PRDM5: variants seen among roughly 807,000 people sequenced by gnomAD.
PRDM5 encodes the protein PR/SET domain 5, also known as PR domain zinc finger protein 5.
Under a neutral mutation model 81.2 loss-of-function variants are expected in PRDM5, and 56 were observed. The ratio of observed to expected loss-of-function variants is 0.69; its 90% CI spans 0.56 to 0.86. PRDM5 has a LOEUF of 0.86. PRDM5 is among the 40% of genes least tolerant of loss of function. The probability of loss-of-function intolerance (pLI) is 0.00; values close to 1 mark genes in which losing one functional copy is unlikely to be tolerated. For synonymous variants in PRDM5, 267 were observed against 256.4 expected, an observed-to-expected ratio of 1.04 and a Z score of -0.39; for missense variants, 697 against 770.1, an observed-to-expected ratio of 0.91 and a Z score of 1.12.
rs186457634 is a variant in PRDM5 at position 120,883,696 on chromosome 4, C to G, written c.177+23778G>C. On this transcript the variant is annotated intron_variant, in intron 2 of 15. Transcript: ENST00000264808. ...TGTATACATGTGTAATAAGTCTGCA[C>G]ATTGTGCACATGTACCCTAGAACTT... Among the ~76,000 whole-genome samples the G allele has an allele frequency of 3.0e-4, 46 of 151,656 alleles. No homozygotes were observed. The East Asian group carries it at 5.8e-3, about 19-fold the overall frequency.
At chr4:120,762,153 T>C (rs958412853) in intron 13 of PRDM5, among the ~76,000 whole-genome samples, 1 of 152,166 alleles carries the variant, frequency 6.6e-6, no homozygotes, top group African/African-American at 2.4e-5. Flanking sequence ...AAAGAACTCA[T>C]AATTCCTTGA....
chr4:120,873,610 C>A (rs1762061736), intron 2 of PRDM5, among the ~76,000 whole-genome samples: 1 of 152,236 alleles, frequency 6.6e-6, no homozygotes. Flanking sequence ...CTATTGGACT[C>A]TCCTGGGTTT....
At chr4:120,888,927 CT>C (rs1169961768) in intron 2 of PRDM5, among the ~76,000 whole-genome samples, 1 of 151,896 alleles carries the variant, frequency 6.6e-6, no homozygotes, top group Non-Finnish European at 1.5e-5. Context: ...GCCCATTTTT[CT>C]TTTTTTTAAA....
chr4:120,710,224 C>G, intron 15 of PRDM5, 85 bp downstream of exon 15: 1 of 1,073,840 alleles, frequency 9.3e-7, no homozygotes, highest in Non-Finnish European at 1.4e-6. Context: ...CACACAGACA[C>G]ACACACACAC....
At chr4:120,706,518 A>T (rs1736173016) in intron 15 of PRDM5, among the ~76,000 whole-genome samples, 1 of 151,970 alleles carries the variant, frequency 6.6e-6, no homozygotes, top group African/African-American at 2.4e-5. Context: ...TTCAGTTTGG[A>T]GTACAAGAGA....
chr4:120,830,329 G>A (rs1756555812), intron 3 of PRDM5, among the ~76,000 whole-genome samples: 1 of 152,018 alleles, frequency 6.6e-6, no homozygotes, highest in South Asian at 2.1e-4. Context: ...CCAAGTGAAA[G>A]CTTTAAAAAT....
intron 13 of PRDM5, among the ~76,000 whole-genome samples, chr4:120,764,855 T>G (rs1302389490): frequency 6.6e-6 from 1 of 152,206 alleles, no homozygotes; most frequent in African/African-American, 2.4e-5. Context: ...TTTGGTTTAA[T>G]GTTAGTAATG....
Position 120,737,158 on chromosome 4 carries a change from C to T in PRDM5, c.1623+17395G>A, listed in dbSNP as rs141076836. 6.0e-3 allele frequency among the ~76,000 whole-genome samples: 911 copies of T among 152,274 alleles called. 28 individuals carry two copies. The highest frequency in any genetic ancestry group is 0.039 in the Admixed American group (602 of 15,266). ...TCATCAGAGGATCACAGATCTCTGG[C>T]TTCCTTCTGTGGCAAGTATACCTCT... On this transcript the variant is annotated intron_variant, in intron 14 of 15. Coordinates refer to ENST00000264808, the MANE Select transcript of PRDM5 (RefSeq NM_018699.4).
At chr4:120,687,847 GAC>G (rs1733894298), downstream of PRDM5, among the ~76,000 whole-genome samples, 1 of 152,072 alleles carries the variant, frequency 6.6e-6, no homozygotes, top group East Asian at 1.9e-4. Flanking sequence ...GCTATGGAAT[GAC>G]ACAACAATAA....
At chr4:120,824,522 C>G (rs1312585505) in intron 3 of PRDM5, among the ~76,000 whole-genome samples, 1 of 152,170 alleles carries the variant, frequency 6.6e-6, no homozygotes, top group Non-Finnish European at 1.5e-5. Flanking sequence ...AAATATTCCC[C>G]AGCCATCAGT....
intron 3 of PRDM5, 92 bp from the exon 4 acceptor site, chr4:120,821,437 G>T: frequency 8.1e-7 from 1 of 1,236,650 alleles, no homozygotes; most frequent in African/African-American, 1.5e-5. Flanking sequence ...AGTACTATGT[G>T]TGCATGAAAA....
chr4:120,716,280 T>G (rs950301922), intron 14 of PRDM5, among the ~76,000 whole-genome samples: 17 of 152,310 alleles, frequency 1.1e-4, no homozygotes, highest in African/African-American at 3.4e-4. Flanking sequence ...ACAACAACCA[T>G]GTATTTATAT....
chr4:120,914,259 TGAAA>T (rs940013417), intron 1 of PRDM5, among the ~76,000 whole-genome samples: 15 of 150,726 alleles, frequency 1.0e-4, no homozygotes, highest in African/African-American at 2.7e-4. Flanking sequence ...CAGAATGAAT[TGAAA>T]GAAAGAGATA....
intron 14 of PRDM5, among the ~76,000 whole-genome samples, chr4:120,740,442 G>A (rs888321771): frequency 3.3e-5 from 5 of 151,906 alleles, no homozygotes; most frequent in Admixed American, 6.6e-5. Context: ...TCCAGTATCC[G>A]CTCCTCCCCT....
At chr4:120,696,042 C>G (rs934867914) in intron 15 of PRDM5, among the ~76,000 whole-genome samples, 2 of 151,848 alleles carry the variant, frequency 1.3e-5, no homozygotes, top group African/African-American at 2.4e-5. Flanking sequence ...TTGGGAAAAC[C>G]TTACACTGAA....
chr4:120,812,692 T>C, intron 7 of PRDM5: 1 of 317,762 alleles, frequency 3.1e-6, no homozygotes, highest in Non-Finnish European at 6.0e-6. Flanking sequence ...AGATGGGTAG[T>C]TTGCAAATAT....
At chr4:120,872,970 G>A (rs1018536806) in intron 2 of PRDM5, among the ~76,000 whole-genome samples, 2 of 151,790 alleles carry the variant, frequency 1.3e-5, no homozygotes, top group African/African-American at 4.8e-5. Flanking sequence ...CAGTTAAGAT[G>A]GTAAATTTTA....
At chr4:120,790,976 T>C (rs936254399) in intron 10 of PRDM5, among the ~76,000 whole-genome samples, 3 of 149,492 alleles carry the variant, frequency 2.0e-5, no homozygotes, top group Non-Finnish European at 4.5e-5. Context: ...AAAACACACA[T>C]ACAATTTTAC....
Position 120,874,802 on chromosome 4 carries a change from T to G in PRDM5, c.178-21262A>C, listed in dbSNP as rs535500353. 4.3e-4 allele frequency among the ~76,000 whole-genome samples: 66 copies of G among 152,348 alleles called. 1 individual carries two copies. The highest frequency in any genetic ancestry group is 1.0e-3 in the South Asian group (5 of 4,830). The stretch of plus-strand genomic sequence containing the variant: ...GTATACTGAGGAAACTGGTCCCAGA[T>G]TGCAGATTTTGTCTATGTCTCTGAA... On this transcript the variant is annotated intron_variant, in intron 2 of 15. Transcript: ENST00000264808.
Sources: allele counts gnomAD v4.1 joint callset (sites outside exome capture counted in the v4.1 genomes callset), GRCh38; gene constraint gnomAD v4.1.1; transcripts MANE v1.5; gene names NCBI Gene and HGNC (gene_info 2026-07-23, HGNC 2026-07-21).